The following ALK variants were observed in gnomAD, a reference collection of about 807,000 sequenced individuals.
The protein encoded by ALK is ALK tyrosine kinase receptor.
Under a neutral mutation model 163.1 loss-of-function variants are expected in ALK, and 74 were observed. The ratio of observed to expected loss-of-function variants is 0.45; its 90% CI spans 0.38 to 0.55. The LOEUF is 0.55. Among genes scored for constraint, ALK ranks in the 20% least tolerant of loss-of-function variants. The pLI is 0.00. For synonymous variants in ALK, 960 were observed against 843.2 expected (o/e 1.14, Z -2.40); for missense variants, 2,063 against 2,105.3 (o/e 0.98, Z 0.39).
At chr2:29,284,536 A>G (rs936267386) in intron 9 of ALK, among the ~76,000 whole-genome samples, 1 of 152,178 alleles carries the variant, frequency 6.6e-6, no homozygotes, top group African/African-American at 2.4e-5. Context: ...AGATTCGAAC[A>G]TCCTGTTATT....
At chr2:29,539,877 G>C (rs967733922) in intron 3 of ALK, among the ~76,000 whole-genome samples, 1 of 152,162 alleles carries the variant, frequency 6.6e-6, no homozygotes, top group Non-Finnish European at 1.5e-5. Context: ...GTAAAGTATA[G>C]TTTTGTGAGC....
chr2:29,275,894 G>GA (rs886393636), intron 9 of ALK, among the ~76,000 whole-genome samples: 2 of 152,068 alleles, frequency 1.3e-5, no homozygotes, highest in Non-Finnish European at 2.9e-5. Context: ...CTGAGTTGGG[G>GA]AAAAAAATAC....
At chr2:29,905,389 C>T (rs979715346) in intron 1 of ALK, among the ~76,000 whole-genome samples, 23 of 152,164 alleles carry the variant, frequency 1.5e-4, no homozygotes, top group African/African-American at 5.1e-4. Context: ...TCATTTTAAG[C>T]TATTTGACAT....
At chr2:29,580,724 G>GTTTA (rs1166002111) in intron 3 of ALK, among the ~76,000 whole-genome samples, 1 of 152,226 alleles carries the variant, frequency 6.6e-6, no homozygotes, top group Admixed American at 6.5e-5. Flanking sequence ...CCAGATGACA[G>GTTTA]TTTGGTTCAG....
At chr2:29,650,979 A>T (rs1490489109) in intron 3 of ALK, among the ~76,000 whole-genome samples, 1 of 152,200 alleles carries the variant, frequency 6.6e-6, no homozygotes, top group East Asian at 1.9e-4. Flanking sequence ...GAGAATGCAG[A>T]GTCTGCTAGT....
intron 9 of ALK, among the ~76,000 whole-genome samples, chr2:29,276,849 G>A (rs1012063828): frequency 3.9e-5 from 6 of 152,140 alleles, no homozygotes; most frequent in African/African-American, 1.4e-4. Flanking sequence ...AGGATTGACC[G>A]CAGACTAGCA....
At chr2:29,446,175 CA>C (rs371086242) in intron 4 of ALK, among the ~76,000 whole-genome samples, 8 of 131,878 alleles carry the variant, frequency 6.1e-5, no homozygotes, top group South Asian at 2.5e-4. Flanking sequence ...AAACAAACAA[CA>C]AAAAAAATGA....
At chr2:29,325,264 G>C (rs1231618074) in intron 6 of ALK, among the ~76,000 whole-genome samples, 1 of 152,178 alleles carries the variant, frequency 6.6e-6, no homozygotes, top group African/African-American at 2.4e-5. Flanking sequence ...CATTTTAACA[G>C]GTTCCAGACC....
At chr2:29,710,499 CGTGTGTGT>C (rs55939983) in intron 2 of ALK, among the ~76,000 whole-genome samples, 16 of 144,744 alleles carry the variant, frequency 1.1e-4, no homozygotes, top group South Asian at 2.3e-4. Context: ...AGTCTGTGTG[CGTGTGTGT>C]GTGTGTGTGT....
chr2:29,731,612 A>G (rs1442980511), intron 1 of ALK, among the ~76,000 whole-genome samples: 1 of 152,214 alleles, frequency 6.6e-6, no homozygotes, highest in Non-Finnish European at 1.5e-5. Context: ...TAATGATTTT[A>G]TTAGATACAG....
intron 1 of ALK, among the ~76,000 whole-genome samples, chr2:29,780,421 G>A (rs751928336): frequency 1.3e-4 from 20 of 152,236 alleles, no homozygotes; most frequent in African/African-American, 2.7e-4. Flanking sequence ...TGCATGGCGT[G>A]GGCCTCCCAC....
At chr2:29,610,314 T>C (rs1254803931) in intron 3 of ALK, among the ~76,000 whole-genome samples, 3 of 152,140 alleles carry the variant, frequency 2.0e-5, no homozygotes, top group African/African-American at 2.4e-5. Flanking sequence ...CCCGGCTGCT[T>C]GTCCTTTGCT....
chr2:29,509,139 G>A (rs1286194017), intron 4 of ALK, among the ~76,000 whole-genome samples: 1 of 152,122 alleles, frequency 6.6e-6, no homozygotes, highest in African/African-American at 2.4e-5. Flanking sequence ...CTTCTAGAGG[G>A]AAAAGAGAGT....
chr2:29,770,330 T>C (rs897775835), intron 1 of ALK, among the ~76,000 whole-genome samples: 60 of 152,312 alleles, frequency 3.9e-4, no homozygotes, highest in Admixed American at 3.3e-3. Flanking sequence ...AGGAAAGACC[T>C]AAAGGTACTG....
intron 1 of ALK, among the ~76,000 whole-genome samples, chr2:29,852,260 T>C (rs1353839637): frequency 6.6e-6 from 1 of 152,182 alleles, no homozygotes; most frequent in Non-Finnish European, 1.5e-5. Flanking sequence ...CATGGCAGCC[T>C]TCCCCCAGGT....
chr2:29,875,239 A>T (rs1454609022), intron 1 of ALK, among the ~76,000 whole-genome samples: 1 of 152,174 alleles, frequency 6.6e-6, no homozygotes. Flanking sequence ...AAAGTAGACT[A>T]GAGGTTACTA....
chr2:29,645,765 C>G (rs189198294), intron 3 of ALK, among the ~76,000 whole-genome samples: 2 of 152,256 alleles, frequency 1.3e-5, no homozygotes, highest in African/African-American at 4.8e-5. Flanking sequence ...CACAGCTGGT[C>G]ACTCCCACAC....
chr2:29,545,326 G>A lies in ALK; in HGVS notation c.953-13210C>T, dbSNP rs7568229. On this transcript the variant is annotated intron_variant, in intron 3 of 28. Coordinates refer to ENST00000389048, the MANE Select transcript of ALK (RefSeq NM_004304.5). ...TTGTTCAAAGCAAACTGGGGCCACT[G>A]AAAGAGGCTCCTTATTGTTTATTTT... Among the ~76,000 whole-genome samples, 894 of 152,352 alleles carry A rather than the reference G, an allele frequency of 5.9e-3. 6 individuals are homozygous for A. The highest frequency in any genetic ancestry group is 0.041 in the Middle Eastern group (12 of 294).
intron 1 of ALK, among the ~76,000 whole-genome samples, chr2:29,909,971 C>A (rs1667657163): frequency 1.5e-5 from 2 of 135,832 alleles, no homozygotes; most frequent in African/African-American, 3.0e-5. Context: ...ATTCATAATG[C>A]ACCACACCAA....
Sources: allele counts gnomAD v4.1 joint callset (sites outside exome capture counted in the v4.1 genomes callset), GRCh38; gene constraint gnomAD v4.1.1; transcripts MANE v1.5; gene names NCBI Gene and HGNC (gene_info 2026-07-23, HGNC 2026-07-21).